ANKRD24: variants seen among roughly 807,000 people sequenced by gnomAD.
ANKRD24 encodes ankyrin repeat domain 24.
ANKRD24 carries 109 observed loss-of-function variants against 127.8 expected under a neutral mutation model. The ratio of observed to expected loss-of-function variants is 0.85; its 90% CI spans 0.73 to 1.00. The LOEUF is 1.00. Ranked by LOEUF, ANKRD24 falls within the 50% of genes least tolerant of loss-of-function variation. The pLI is 0.00. For synonymous variants in ANKRD24, 743 were observed against 671.1 expected, an observed-to-expected ratio of 1.11 and a Z score of -1.66; for missense variants, 1,648 against 1,570.2, an observed-to-expected ratio of 1.05 and a Z score of -0.84.
In ANKRD24 at chr19:4,217,302, C is replaced by T. The variant is rs376321584; in HGVS notation, c.2142C>T (p.Ala714=). 27 of 1,554,390 alleles carry T rather than the reference C, an allele frequency of 1.7e-5. No individual in the cohort carries two copies. The highest frequency in any genetic ancestry group is 1.7e-4 in the Middle Eastern group (1 of 5,970). The change falls in exon 18 of 22, where the codon GCC becomes GCT. Residue 714 remains alanine, a synonymous_variant. Transcript: ENST00000318934. ...ISAGPILHPG[A]AEASEKLQVE... ...CTGGCCCCATCCTACATCCTGGTGC[C>T]GCAGAGGCCTCGGAAAAGCTTCAAG...
chr19:4,200,932 T>A (rs750335536), intron 5 of ANKRD24, among the ~76,000 whole-genome samples: 17 of 152,092 alleles, frequency 1.1e-4, no homozygotes, highest in Non-Finnish European at 2.5e-4. Context: ...TATAGGAGTA[T>A]CCGAGATAAA....
Position 4,186,421 on chromosome 19 carries a change from C to A in ANKRD24, c.-5C>A, listed in dbSNP as rs1165123945. On this transcript the variant is annotated 5_prime_UTR_variant, in exon 2 of 22. Coordinates refer to ENST00000318934, the MANE Select transcript of ANKRD24 (RefSeq NM_001393985.1). Reference sequence around the variant, plus strand: ...TGTGGAGAGGAGAAACACAGGGCACCAACTATGAAGACTCTCAGGGCGCGA... The same window carrying A: ...TGTGGAGAGGAGAAACACAGGGCACAAACTATGAAGACTCTCAGGGCGCGA... 6.3e-7 allele frequency: 1 copy of A among 1,588,082 alleles called. No homozygotes were observed. The highest frequency in any genetic ancestry group is 2.3e-5 in the East Asian group (1 of 43,324).
At position 4,216,040 on chromosome 19, in the gene ANKRD24, T is replaced by C. The variant is rs766421704; in HGVS notation, c.1260T>C (p.Pro420=). The C allele has an allele frequency of 1.8e-5, 29 of 1,598,082 alleles. No individual in the cohort carries two copies. The highest frequency in any genetic ancestry group is 3.3e-4 in the Middle Eastern group (2 of 6,050). Residue 420 remains proline, a synonymous_variant, in exon 16 of 22, where the codon CCT becomes CCC. Coordinates refer to ENST00000318934, the MANE Select transcript of ANKRD24 (RefSeq NM_001393985.1). ...TTLQDEEGEL[P]DLPGAEVLLS... The stretch of plus-strand genomic sequence containing the variant: ...TGCAGGATGAGGAGGGTGAGCTGCC[T>C]GACCTTCCAGGTGAGCCCCCACCTC...
intron 13 of ANKRD24, among the ~76,000 whole-genome samples, chr19:4,211,112 T>G (rs1969713398): frequency 6.6e-6 from 1 of 151,824 alleles, no homozygotes; most frequent in Non-Finnish European, 1.5e-5. Context: ...GGATTGCAGG[T>G]GTGAGCCACC....
Position 4,224,561 on chromosome 19 carries a change from C to CT in ANKRD24, c.*57dup. The CT allele has an allele frequency of 6.7e-7, 1 of 1,501,276 alleles. No homozygotes were observed. The highest frequency in any genetic ancestry group is 1.2e-5 in the South Asian group (1 of 83,992). The allele number at this position is 1,501,276 out of a possible 1,614,324, so 93.0% of individuals were successfully genotyped here. ...ACACCCACGCAGGGACCTCACCCCC[C>CT]TGCAGGCCCCTTGCAGACCGGCTTC... is the stretch of plus-strand genomic sequence containing the variant. On this transcript the variant is annotated 3_prime_UTR_variant, in exon 22 of 22. Coordinates refer to ENST00000318934, the MANE Select transcript of ANKRD24 (RefSeq NM_001393985.1).
chr19:4,212,831 AC>A, intron 15 of ANKRD24, 133 bp downstream of exon 15: 2 of 808,122 alleles, frequency 2.5e-6, no homozygotes, highest in Non-Finnish European at 1.9e-6. Context: ...AGACACATGC[AC>A]CCACAAACCC....
intron 11 of ANKRD24, among the ~76,000 whole-genome samples, chr19:4,209,425 T>TG (rs1969577354): frequency 2.7e-5 from 4 of 148,032 alleles, no homozygotes; most frequent in African/African-American, 7.5e-5. Context: ...TAGTTTTTTT[T>TG]TTTTGTTGTT....
chr19:4,222,287 G>C (rs1296225001), intron 19 of ANKRD24, among the ~76,000 whole-genome samples: 1 of 152,216 alleles, frequency 6.6e-6, no homozygotes, highest in Non-Finnish European at 1.5e-5. Flanking sequence ...TACTCAGGAG[G>C]CTGAGGCAGG....
At chr19:4,223,372 C>CATATATAT (rs59994305) in intron 20 of ANKRD24, among the ~76,000 whole-genome samples, 6 of 72,910 alleles carry the variant, frequency 8.2e-5, no homozygotes, top group Admixed American at 5.5e-4. Flanking sequence ...CCTGGCCATA[C>CATATATAT]ATATATATAT....
At chr19:4,188,504 C>T (rs1968196240) in intron 2 of ANKRD24, among the ~76,000 whole-genome samples, 1 of 151,892 alleles carries the variant, frequency 6.6e-6, no homozygotes, top group Non-Finnish European at 1.5e-5. Flanking sequence ...CTGCCTCAGC[C>T]TCCCAAAGTG....
At position 4,215,860 on chromosome 19, in the gene ANKRD24, C is replaced by G. The variant is rs939588930; in HGVS notation, c.1198-118C>G. On this transcript the variant is annotated intron_variant, in intron 15 of 21. Transcript: ENST00000318934. ...ATCCTTGTGGGCCAAATGCAGCCAT[C>G]TGGTGCTCGTGGGAGACATACAGGT... The G allele has an allele frequency of 1.5e-5, 11 of 739,954 alleles. No individual in the cohort carries two copies. In the African/African-American group the frequency reaches 1.8e-4, roughly 12 times the overall value. The allele number at this position is 739,954 out of a possible 1,614,324, so 45.8% of individuals were successfully genotyped here. A position where few individuals can be genotyped will look rare whatever the true frequency, so the allele number is the denominator to read the frequency against.
intron 19 of ANKRD24, among the ~76,000 whole-genome samples, chr19:4,221,674 C>G (rs1017001416): frequency 2.0e-5 from 3 of 152,176 alleles, no homozygotes; most frequent in Non-Finnish European, 4.4e-5. Flanking sequence ...AAGAATGACC[C>G]AGCCTCGACT....
In ANKRD24 at chr19:4,218,132, G is replaced by T. The variant is rs892766635; in HGVS notation, c.2972G>T (p.Arg991Leu). 4.6e-6 allele frequency: 7 copies of T among 1,535,306 alleles called. No individual in the cohort carries two copies. Among genetic ancestry groups the T allele is most frequent in the Non-Finnish European group, 6.1e-6 (7 of 1,142,064 alleles). ...GGGCAGCTGGAGGAGCTGGGACGGC[G>T]GCATGAGAAGACCAGCGCAGAGGTC... ...LEGQLEELGRRHEKTSAEVFQ... is the reference protein window; with the variant it reads ...LEGQLEELGRLHEKTSAEVFQ... The change falls in exon 18 of 22, where the codon CGG (arginine) becomes CTG (leucine). Residue 991 changes from arginine (R) to leucine (L), a missense_variant. Physicochemically the swap from Arg to Leu is moderately radical, Grantham distance 102. Coordinates refer to ENST00000318934, the MANE Select transcript of ANKRD24 (RefSeq NM_001393985.1).
chr19:4,214,375 C>A (rs1311096090), intron 15 of ANKRD24, among the ~76,000 whole-genome samples: 2 of 152,044 alleles, frequency 1.3e-5, no homozygotes, highest in Non-Finnish European at 2.9e-5. Flanking sequence ...CTATGTTCCC[C>A]AGTCTGGTCT....
rs1304854181 is a variant in ANKRD24 at position 4,217,075 on chromosome 19, G to C, written c.1915G>C (p.Gly639Arg). Residue 639 changes from glycine (G) to arginine (R), a missense_variant, in exon 18 of 22, where the codon GGG becomes CGG. Physicochemically the swap from Gly to Arg is moderately radical, Grantham distance 125. Coordinates refer to ENST00000318934, the MANE Select transcript of ANKRD24 (RefSeq NM_001393985.1). Reference sequence around the variant, plus strand: ...AGAGACCACGGGAGTGGAGGCCATGGGGGTGGAGGCCACAAAAACAAAAGC... The same window carrying C: ...AGAGACCACGGGAGTGGAGGCCATGCGGGTGGAGGCCACAAAAACAAAAGC... Reference protein sequence around the residue: ...DTETTGVEAMGVEATKTKAEE... With the variant: ...DTETTGVEAMRVEATKTKAEE... 12 of 1,613,810 alleles carry C rather than the reference G, an allele frequency of 7.4e-6. 1 individual carries two copies. In the East Asian group the frequency reaches 2.5e-4, roughly 33 times the overall value.
intron 1 of ANKRD24, chr19:4,183,271 C>G: frequency 1.0e-6 from 1 of 984,248 alleles, no homozygotes; most frequent in Non-Finnish European, 1.2e-6. Flanking sequence ...TGAGCCACTG[C>G]GTCCGGCCAA....
chr19:4,223,397 A>ATT (rs1446284593), intron 20 of ANKRD24, among the ~76,000 whole-genome samples: 35 of 54,824 alleles, frequency 6.4e-4, no homozygotes, highest in African/African-American at 1.7e-3. Flanking sequence ...ATATATATAT[A>ATT]TATATTTTTT....
chr19:4,215,241 T>C (rs1969989476), intron 15 of ANKRD24, among the ~76,000 whole-genome samples: 2 of 152,124 alleles, frequency 1.3e-5, no homozygotes, highest in Admixed American at 1.3e-4. Flanking sequence ...ATCCCACCAC[T>C]TTGGGAGGCC....
chr19:4,198,235 C>T lies in ANKRD24; in HGVS notation c.37-1448C>T. 5.9e-6 allele frequency: 3 copies of T among 504,660 alleles called. No homozygotes were observed. Among genetic ancestry groups the T allele is most frequent in the South Asian group, 2.8e-5 (1 of 36,170 alleles). 31.3% of individuals were successfully genotyped at this position (504,660 alleles called of 1,614,324 possible). ...ACAAGGTCAGGAGGGGCCGGGGCGG[C>T]GCCCCTTCCCTCAGCCCCCAGCCCC... On this transcript the variant is annotated intron_variant, in intron 2 of 21. Coordinates refer to ENST00000318934, the MANE Select transcript of ANKRD24 (RefSeq NM_001393985.1). This position sits in a 1 kb window ranked among gnomAD's most constrained non-coding sequence, Gnocchi z 6.1.
Sources: gnomAD v4.1 joint callset for allele counts (sites outside exome capture counted in the v4.1 genomes callset) on GRCh38, gnomAD v4.1.1 for gene constraint, Gnocchi (gnomAD v3.1) non-coding constraint, MANE v1.5 for transcripts, NCBI Gene and HGNC (gene_info 2026-07-23, HGNC 2026-07-21) for gene names.